The following ZNF670 variants were observed in gnomAD, a reference collection of about 807,000 sequenced individuals.
ZNF670 encodes the protein zinc finger protein 670.
In ZNF670, 7 loss-of-function variants were observed where a neutral mutation model predicts 10.9. The observed-to-expected ratio is 0.64, with a 90% CI of 0.36 to 1.20. ZNF670 has a LOEUF of 1.20. Ranked by LOEUF, ZNF670 falls within the 50% of genes most tolerant of loss-of-function variation. The pLI, the probability that ZNF670 is intolerant of heterozygous loss-of-function variation, is 0.02. For missense variants in ZNF670, 446 were observed against 458.6 expected, an observed-to-expected ratio of 0.97 and a Z score of 0.25; for synonymous variants, 136 against 152.7, an observed-to-expected ratio of 0.89 and a Z score of 0.81.
chr1:247,064,733 C>T (rs12082697), intron 1 of ZNF670, among the ~76,000 whole-genome samples: 5 of 152,206 alleles, frequency 3.3e-5, no homozygotes, highest in African/African-American at 1.2e-4. Context: ...CGGGACGAGG[C>T]TGTTGGCCCC....
At chr1:247,051,264 A>AAAAC (rs1331309727) in intron 1 of ZNF670, among the ~76,000 whole-genome samples, 1 of 132,038 alleles carries the variant, frequency 7.6e-6, no homozygotes, top group African/African-American at 3.1e-5. Context: ...CAAGAAAAAA[A>AAAAC]AAAACAAAAA....
intron 1 of ZNF670, among the ~76,000 whole-genome samples, chr1:247,056,114 C>T (rs61852636): frequency 1.9e-5 from 2 of 105,036 alleles, no homozygotes; most frequent in Admixed American, 8.4e-5. Flanking sequence ...ATCTTACAGA[C>T]CAAAAAAAAA....
At chr1:247,064,890 C>G (rs1187564483) in intron 1 of ZNF670, among the ~76,000 whole-genome samples, 1 of 152,112 alleles carries the variant, frequency 6.6e-6, no homozygotes, top group Non-Finnish European at 1.5e-5. Flanking sequence ...CTGCAATCTC[C>G]ATCTCCTGGA....
At chr1:247,062,711 G>A (rs757884950) in intron 1 of ZNF670, among the ~76,000 whole-genome samples, 3 of 152,182 alleles carry the variant, frequency 2.0e-5, no homozygotes, top group Non-Finnish European at 1.5e-5. Flanking sequence ...CTTTCACCAC[G>A]TCACTGGGGT....
intron 2 of ZNF670, 123 bp from the exon 3 acceptor site, chr1:247,038,993 G>T: frequency 1.8e-6 from 1 of 545,158 alleles, no homozygotes; most frequent in Non-Finnish European, 3.1e-6. Context: ...CTTTCCACAT[G>T]CCAAATCAGG....
At chr1:247,072,962 G>A (rs1189677419) in intron 1 of ZNF670, among the ~76,000 whole-genome samples, 1 of 151,090 alleles carries the variant, frequency 6.6e-6, no homozygotes, top group East Asian at 2.0e-4. Flanking sequence ...TAAAAAAAGA[G>A]CAAAATTCTG....
chr1:247,076,448 G>A (rs960406737), intron 1 of ZNF670, among the ~76,000 whole-genome samples: 1 of 151,616 alleles, frequency 6.6e-6, no homozygotes, highest in Non-Finnish European at 1.5e-5. Flanking sequence ...AGTAGAGATG[G>A]GGTTTCATCA....
chr1:247,062,177 G>A (rs531028541), intron 1 of ZNF670, among the ~76,000 whole-genome samples: 59 of 151,930 alleles, frequency 3.9e-4, no homozygotes, highest in African/African-American at 8.9e-4. Context: ...TTTGTAATTC[G>A]CCAATTTACG....
rs1670112791 is a variant in ZNF670 at position 247,034,968 on chromosome 1, T to C, written c.*2481A>G. Reference sequence around the variant, plus strand: ...AACATACATCCTCCTGGGGAACGGCTGGTCAACCAGTCATGTCTAGGAGTT... The same window carrying C: ...AACATACATCCTCCTGGGGAACGGCCGGTCAACCAGTCATGTCTAGGAGTT... On this transcript the variant is annotated 3_prime_UTR_variant, in exon 4 of 4. Coordinates refer to ENST00000366503, the MANE Select transcript of ZNF670 (RefSeq NM_033213.5). 6.6e-6 allele frequency among the ~76,000 whole-genome samples: 1 copy of C among 152,220 alleles called. No homozygotes were observed. Among genetic ancestry groups the C allele is most frequent in the Admixed American group, 6.5e-5 (1 of 15,284 alleles).
At chr1:247,064,160 C>A (rs993566135) in intron 1 of ZNF670, among the ~76,000 whole-genome samples, 11 of 152,180 alleles carry the variant, frequency 7.2e-5, no homozygotes, top group African/African-American at 2.7e-4. Flanking sequence ...CACGGGTGTC[C>A]CTGCATCTTT....
intron 1 of ZNF670, 29 bp from the exon 2 acceptor site, chr1:247,039,566 G>A (rs1558335933): frequency 6.5e-7 from 1 of 1,536,350 alleles, no homozygotes; most frequent in East Asian, 2.4e-5. Context: ...GTGGAGAGGA[G>A]GATGGCTTAG....
intron 1 of ZNF670, among the ~76,000 whole-genome samples, chr1:247,055,822 G>C (rs1242481768): frequency 2.0e-5 from 3 of 151,830 alleles, no homozygotes; most frequent in Non-Finnish European, 4.4e-5. Flanking sequence ...GGATAAAAAA[G>C]GATATTCCAT....
intron 1 of ZNF670, chr1:247,043,186 C>A: frequency 1.3e-6 from 1 of 750,404 alleles, no homozygotes; most frequent in Admixed American, 1.8e-5. Context: ...ACGTGCTGGA[C>A]CCTCATGACA....
Position 247,076,028 on chromosome 1 carries a change from A to C in ZNF670, c.3+2566T>G, listed in dbSNP as rs1671242900. Among the ~76,000 whole-genome samples the C allele has an allele frequency of 2.0e-5, 3 of 152,290 alleles. No homozygotes were observed. In the South Asian group the frequency reaches 6.2e-4, roughly 32 times the overall value. ...TTAATCTTTCAAGCTCTCTGAATAAAACATATTTTAAAGTTAATGAAAAAC... is the reference window on the plus strand; with the variant it reads ...TTAATCTTTCAAGCTCTCTGAATAACACATATTTTAAAGTTAATGAAAAAC... On this transcript the variant is annotated intron_variant, in intron 1 of 3. Transcript: ENST00000366503.
chr1:247,072,133 A>G (rs1336080363), intron 1 of ZNF670, among the ~76,000 whole-genome samples: 1 of 150,346 alleles, frequency 6.7e-6, no homozygotes, highest in Non-Finnish European at 1.5e-5. Flanking sequence ...CTGGGATTAC[A>G]GGTGTCAGCC....
At chr1:247,038,994 C>A (rs74155743) in intron 2 of ZNF670, 124 bp from the exon 3 acceptor site, 5,582 of 552,876 alleles carry the variant, frequency 0.01, 253 homozygotes, top group African/African-American at 0.094. Flanking sequence ...TTTCCACATG[C>A]CAAATCAGGA....
intron 1 of ZNF670, among the ~76,000 whole-genome samples, chr1:247,071,898 C>T (rs1469352195): frequency 1.3e-5 from 2 of 150,646 alleles, no homozygotes; most frequent in African/African-American, 4.9e-5. Flanking sequence ...CACTCTGTTG[C>T]CCAGGCTGGA....
intron 1 of ZNF670, among the ~76,000 whole-genome samples, chr1:247,048,452 G>T (rs1670511094): frequency 6.6e-6 from 1 of 152,138 alleles, no homozygotes; most frequent in East Asian, 1.9e-4. Context: ...CAAGTCTCTA[G>T]AAAGTTCCAA....
chr1:247,071,284 C>T (rs917951476), intron 1 of ZNF670, among the ~76,000 whole-genome samples: 3 of 152,200 alleles, frequency 2.0e-5, no homozygotes, highest in African/African-American at 7.2e-5. Context: ...GGGACAATTA[C>T]ACAGCCATAG....
Sources: allele counts gnomAD v4.1 joint callset (sites outside exome capture counted in the v4.1 genomes callset), GRCh38; gene constraint gnomAD v4.1.1; transcripts MANE v1.5; gene names NCBI Gene and HGNC (gene_info 2026-07-23, HGNC 2026-07-21).